Variants in UFD1 observed in about 807,000 individuals in gnomAD.
The protein encoded by UFD1 is ubiquitin recognition factor in ER associated degradation 1.
In UFD1, 13 loss-of-function variants were observed where a neutral mutation model predicts 45.9. The observed-to-expected ratio is 0.28, with a 90% CI of 0.18 to 0.45. The LOEUF (loss-of-function observed/expected upper bound fraction) is 0.45, where lower values mean the gene tolerates loss of function less well. Among genes scored for constraint, UFD1 ranks in the 20% least tolerant of loss-of-function variants. The pLI is 1.00. For missense variants in UFD1, 218 were observed against 389.2 expected (o/e 0.56, Z 3.70); for synonymous variants, 128 against 139.2 (o/e 0.92, Z 0.56).
At chr22:19,452,677 C>T (rs769460855) in intron 11 of UFD1, 1 of 152,170 alleles carries the variant, frequency 6.6e-6, no homozygotes, top group Non-Finnish European at 1.5e-5. Flanking sequence ...GTGCGTGCCA[C>T]CATGCTTGGC....
At chr22:19,464,134 A>G (rs1048860120) in intron 6 of UFD1, among the ~76,000 whole-genome samples, 1 of 152,248 alleles carries the variant, frequency 6.6e-6, no homozygotes, top group Non-Finnish European at 1.5e-5. Flanking sequence ...ATAAGGTCAG[A>G]TGCCTCAAAT....
intron 6 of UFD1, among the ~76,000 whole-genome samples, chr22:19,464,909 T>C (rs980336851): frequency 6.6e-6 from 1 of 152,236 alleles, no homozygotes; most frequent in African/African-American, 2.4e-5. Flanking sequence ...AGAGGTGCAG[T>C]GGGGACCTTT....
intron 5 of UFD1, chr22:19,466,249 C>T (rs951122206): frequency 6.6e-6 from 1 of 152,324 alleles, no homozygotes; most frequent in South Asian, 2.1e-4. Context: ...GCCAGGGCAT[C>T]TTCTCTGACT....
intron 4 of UFD1, chr22:19,471,375 A>G (rs2089843967): frequency 1.6e-6 from 1 of 623,074 alleles, no homozygotes; most frequent in Non-Finnish European, 3.0e-6. Flanking sequence ...ACCACCTAAA[A>G]AATACTGTTG....
At chr22:19,479,007 C>A in intron 1 of UFD1, 76 bp downstream of exon 1, 1 of 1,414,772 alleles carries the variant, frequency 7.1e-7, no homozygotes, top group South Asian at 1.2e-5. Flanking sequence ...CCGTCCCGCC[C>A]CGCCCTGCCC....
chr22:19,470,405 A>G (rs991942669), intron 4 of UFD1, among the ~76,000 whole-genome samples: 9 of 151,914 alleles, frequency 5.9e-5, no homozygotes, highest in Non-Finnish European at 1.0e-4. Flanking sequence ...CACCTGCTAC[A>G]GCAGGAAAGA....
At chr22:19,452,165 C>G (rs528604297) in intron 11 of UFD1, 1 of 160,754 alleles carries the variant, frequency 6.2e-6, no homozygotes, top group East Asian at 1.9e-4. Context: ...GTTTTGGAGG[C>G]TAGAAGTGCA....
In UFD1 at chr22:19,451,264, G is replaced by A. The variant is rs191072114; in HGVS notation, c.850-520C>T. On this transcript the variant is annotated intron_variant, in intron 11 of 11. Coordinates refer to ENST00000263202, the MANE Select transcript of UFD1 (RefSeq NM_005659.7). ...AACTTCCTGTCTAGTATACTCCCAA[G>A]GCTACAGAACTGAATTCTGTAAAAA... 3.6e-4 allele frequency: 350 copies of A among 985,484 alleles called. 1 individual carries two copies. The highest frequency in any genetic ancestry group is 3.1e-4 in the Non-Finnish European group (259 of 830,170). The allele number at this position is 985,484 out of a possible 1,614,324, so 61.0% of individuals were successfully genotyped here.
chr22:19,460,874 T>C (rs767220470), intron 6 of UFD1, among the ~76,000 whole-genome samples: 9 of 151,712 alleles, frequency 5.9e-5, no homozygotes, highest in Non-Finnish European at 1.0e-4. Flanking sequence ...GCCTCCTGAA[T>C]AGCTGTAACT....
At chr22:19,462,034 T>C (rs1342684726) in intron 6 of UFD1, among the ~76,000 whole-genome samples, 1 of 152,166 alleles carries the variant, frequency 6.6e-6, no homozygotes, top group East Asian at 1.9e-4. Context: ...AGGTCTTGCT[T>C]TATCACCTAG....
intron 11 of UFD1, chr22:19,453,572 T>C: frequency 1.0e-6 from 1 of 985,532 alleles, no homozygotes; most frequent in Non-Finnish European, 1.2e-6. Flanking sequence ...AAAGGCAGCC[T>C]GTAGCTGGTG....
At position 19,464,594 on chromosome 22, in the gene UFD1, G is replaced by A. The variant is rs372330157; in HGVS notation, c.495+608C>T. On this transcript the variant is annotated intron_variant, in intron 6 of 11. Transcript: ENST00000263202. ...GACACCTAAACAGCATAAAATCAGG[G>A]ATGAAAACAGAGGCATTCAGACCTG... Among the ~76,000 whole-genome samples the A allele has an allele frequency of 3.5e-4, 54 of 152,232 alleles. 1 individual carries two copies. Among genetic ancestry groups the A allele is most frequent in the African/African-American group, 1.3e-3 (52 of 41,460 alleles).
intron 11 of UFD1, chr22:19,453,504 C>T: frequency 1.0e-6 from 1 of 985,480 alleles, no homozygotes; most frequent in African/African-American, 1.7e-5. Context: ...CACAGTCAGC[C>T]TGGGGGACGT....
At chr22:19,451,493 A>G in intron 11 of UFD1, 6 of 985,420 alleles carry the variant, frequency 6.1e-6, no homozygotes, top group Non-Finnish European at 7.2e-6. Flanking sequence ...ATCAGCAGAA[A>G]GAGGGATTGT....
At chr22:19,479,007 C>G in intron 1 of UFD1, 76 bp downstream of exon 1, 1 of 1,414,772 alleles carries the variant, frequency 7.1e-7, no homozygotes, top group Non-Finnish European at 9.7e-7. Flanking sequence ...CCGTCCCGCC[C>G]CGCCCTGCCC....
Position 19,450,782 on chromosome 22 carries a change from C to G in UFD1, c.850-38G>C, listed in dbSNP as rs75109805. 7 of 1,613,798 alleles carry G rather than the reference C, an allele frequency of 4.3e-6. No homozygotes were observed. The East Asian group carries it at 1.6e-4, about 36-fold the overall frequency. On this transcript the variant is annotated intron_variant, in intron 11 of 11. Coordinates refer to ENST00000263202, the MANE Select transcript of UFD1 (RefSeq NM_005659.7). ...AGAAGATACTATTTTCAGAAACTCC[C>G]TGGAGGTTTACAATAAATGCCTTAC...
In UFD1 at chr22:19,458,195, C is replaced by T. The variant is rs1025257189; in HGVS notation, c.496-56G>A. 22 of 1,595,952 alleles carry T rather than the reference C, an allele frequency of 1.4e-5. No homozygotes were observed. In the Admixed American group the frequency reaches 1.8e-4, roughly 13 times the overall value. On this transcript the variant is annotated intron_variant, in intron 6 of 11. Transcript: ENST00000263202. The stretch of plus-strand genomic sequence containing the variant: ...GGTTTCCTGGCAGCACTGGAGCTGT[C>T]GCTGTCCATGTTACTGTGGCTCTAC...
chr22:19,456,018 G>A (rs958961340), intron 9 of UFD1, among the ~76,000 whole-genome samples: 2 of 152,180 alleles, frequency 1.3e-5, no homozygotes, highest in Non-Finnish European at 1.5e-5. Context: ...TAAAAGACCT[G>A]ATCCCTGCCT....
Position 19,454,771 on chromosome 22 carries a change from G to T in UFD1, c.827C>A (p.Pro276His). Residue 276 changes from proline (P) to histidine (H), a missense_variant, in exon 11 of 12, where the codon CCC (proline) becomes CAC (histidine). By Grantham distance (77) the Pro-to-His change is moderately conservative. Coordinates refer to ENST00000263202, the MANE Select transcript of UFD1 (RefSeq NM_005659.7). ...GKITFIRNSR[P>H]LVKKVEEDEA... Reference sequence around the variant, plus strand: ...CACCTCTTCAACCTTTTTGACAAGGGGACGTGAATTTCTGATGAAAGTTAT... The same window carrying T: ...CACCTCTTCAACCTTTTTGACAAGGTGACGTGAATTTCTGATGAAAGTTAT... 6.2e-7 allele frequency: 1 copy of T among 1,614,036 alleles called. No individual in the cohort carries two copies.
Sources: allele counts gnomAD v4.1 joint callset (sites outside exome capture counted in the v4.1 genomes callset), GRCh38; gene constraint gnomAD v4.1.1; transcripts MANE v1.5; gene names NCBI Gene and HGNC (gene_info 2026-07-23, HGNC 2026-07-21).